RMDN2: variants seen among roughly 807,000 people sequenced by gnomAD.
The protein encoded by RMDN2 is regulator of microtubule dynamics protein 2.
In RMDN2, 61 loss-of-function variants were observed where a neutral mutation model predicts 52.8. The ratio of observed to expected loss-of-function variants is 1.16; its 90% CI spans 0.94 to 1.43. The LOEUF (loss-of-function observed/expected upper bound fraction) is 1.43, where lower values mean the gene tolerates loss of function less well. Ranked by LOEUF, RMDN2 falls within the 40% of genes most tolerant of loss-of-function variation. The pLI is 0.00. For synonymous variants in RMDN2, 180 were observed against 153.1 expected (o/e 1.18, Z -1.30); for missense variants, 592 against 475.3 (o/e 1.25, Z -2.28).
intron 5 of RMDN2, among the ~76,000 whole-genome samples, chr2:37,985,565 T>A (rs1256722149): frequency 6.6e-6 from 1 of 152,080 alleles, no homozygotes; most frequent in Non-Finnish European, 1.5e-5. Context: ...ATGCAACAGA[T>A]CACTGTCAAT....
At chr2:37,983,044 C>G (rs1399562850) in intron 5 of RMDN2, among the ~76,000 whole-genome samples, 1 of 152,008 alleles carries the variant, frequency 6.6e-6, no homozygotes, top group Non-Finnish European at 1.5e-5. Context: ...CTCTTCCTGT[C>G]TCTTACCTCT....
intron 2 of RMDN2, among the ~76,000 whole-genome samples, chr2:37,960,799 T>G (rs1327351422): frequency 1.3e-5 from 2 of 152,178 alleles, no homozygotes; most frequent in Non-Finnish European, 2.9e-5. Flanking sequence ...GGTCTGTGTA[T>G]TTTGGTATGT....
chr2:38,039,980 A>G (rs913858372), intron 10 of RMDN2, among the ~76,000 whole-genome samples: 6 of 151,672 alleles, frequency 4.0e-5, no homozygotes, highest in Non-Finnish European at 5.9e-5. Flanking sequence ...TTTGAATTTT[A>G]CATTTAGGTC....
intron 10 of RMDN2, among the ~76,000 whole-genome samples, chr2:38,016,382 T>C (rs1042548020): frequency 6.6e-6 from 1 of 152,184 alleles, no homozygotes; most frequent in Non-Finnish European, 1.5e-5. Flanking sequence ...ATAAATGTAA[T>C]GAATGTAGGA....
At chr2:38,003,252 T>C (rs1348335533) in intron 8 of RMDN2, among the ~76,000 whole-genome samples, 2 of 152,156 alleles carry the variant, frequency 1.3e-5, no homozygotes, top group Non-Finnish European at 2.9e-5. Flanking sequence ...TCTACTCTTA[T>C]TTTCTAAATA....
chr2:38,034,180 G>C (rs1680416932), intron 10 of RMDN2, among the ~76,000 whole-genome samples: 1 of 152,194 alleles, frequency 6.6e-6, no homozygotes, highest in African/African-American at 2.4e-5. Flanking sequence ...CCCTTTGACT[G>C]CTCTGCCTGT....
intron 10 of RMDN2, among the ~76,000 whole-genome samples, chr2:38,042,278 G>A (rs145135273): frequency 2.0e-5 from 3 of 151,950 alleles, no homozygotes; most frequent in East Asian, 1.9e-4. Flanking sequence ...AATGCCTTGC[G>A]ATCAGTACTG....
chr2:37,950,179 G>A (rs1445435118), intron 2 of RMDN2: 1 of 323,934 alleles, frequency 3.1e-6, no homozygotes, highest in Non-Finnish European at 6.0e-6. Context: ...GTAGTACAGG[G>A]GTGTGGAAGG....
At chr2:38,030,660 G>C (rs974483529) in intron 10 of RMDN2, 4 of 152,194 alleles carry the variant, frequency 2.6e-5, no homozygotes, top group Admixed American at 2.0e-4. Flanking sequence ...ACCACATCCA[G>C]TATTTCAGTG....
chr2:38,039,626 CAGA>C (rs1300964301), intron 10 of RMDN2, among the ~76,000 whole-genome samples: 29 of 152,182 alleles, frequency 1.9e-4, no homozygotes, highest in Admixed American at 1.9e-3. Flanking sequence ...AGGTTTGAAA[CAGA>C]AGAAGGAAGT....
chr2:37,927,853 C>T (rs1666412451), intron 1 of RMDN2, among the ~76,000 whole-genome samples: 1 of 152,164 alleles, frequency 6.6e-6, no homozygotes, highest in Non-Finnish European at 1.5e-5. Context: ...TAATTAGCTA[C>T]AATTTCAGCT....
chr2:37,946,909 C>T (rs1054697209), intron 2 of RMDN2, among the ~76,000 whole-genome samples: 16 of 152,082 alleles, frequency 1.1e-4, no homozygotes, highest in African/African-American at 3.6e-4. Context: ...AGAATATATA[C>T]TTATAGTTTT....
intron 10 of RMDN2, among the ~76,000 whole-genome samples, chr2:38,048,604 T>G (rs1248502109): frequency 1.3e-5 from 2 of 152,176 alleles, no homozygotes; most frequent in African/African-American, 2.4e-5. Context: ...ACTACCTCTG[T>G]AAACAGAAAC....
chr2:38,005,091 T>A (rs1471554625), intron 10 of RMDN2, among the ~76,000 whole-genome samples: 1 of 152,200 alleles, frequency 6.6e-6, no homozygotes, highest in African/African-American at 2.4e-5. Flanking sequence ...CTTAATCCAG[T>A]CTATCATTGT....
chr2:37,990,291 G>A (rs1189682982), intron 6 of RMDN2, among the ~76,000 whole-genome samples: 1 of 151,796 alleles, frequency 6.6e-6, no homozygotes, highest in Non-Finnish European at 1.5e-5. Flanking sequence ...GGCTGAAGCG[G>A]GCAGATTGCT....
intron 3 of RMDN2, 181 bp from the exon 4 acceptor site, chr2:37,975,031 T>G (rs1672281860): frequency 5.1e-6 from 3 of 591,354 alleles, no homozygotes; most frequent in Non-Finnish European, 9.0e-6. Flanking sequence ...TAGGTCATAT[T>G]TCTTAGCCAT....
At chr2:37,963,336 AATTG>A (rs374552287) in intron 2 of RMDN2, 150 of 26,120 alleles carry the variant, frequency 5.7e-3, no homozygotes, top group African/African-American at 9.5e-3. Context: ...TTTTTTTTTT[AATTG>A]ATCATTCTTG....
intron 10 of RMDN2, among the ~76,000 whole-genome samples, chr2:38,066,633 C>A (rs1682293532): frequency 1.3e-5 from 2 of 152,148 alleles, no homozygotes; most frequent in South Asian, 2.1e-4. Flanking sequence ...AACAACCACG[C>A]CTGTCTTACT....
At position 37,951,796 on chromosome 2, in the gene RMDN2, C is replaced by G. The variant is rs540325773; in HGVS notation, c.452+22067C>G. Reference sequence around the variant, plus strand: ...AATTTTAAGAATTTTGAAACAAACACTACTTCTCCAGCCTTTGGGAACACT... The same window carrying G: ...AATTTTAAGAATTTTGAAACAAACAGTACTTCTCCAGCCTTTGGGAACACT... On this transcript the variant is annotated intron_variant, in intron 2 of 10. Transcript: ENST00000354545. 9 of 1,613,534 alleles carry G rather than the reference C, an allele frequency of 5.6e-6. No homozygotes were observed. In the South Asian group the frequency reaches 8.8e-5, roughly 16 times the overall value.
Sources: gnomAD v4.1 joint callset for allele counts (sites outside exome capture counted in the v4.1 genomes callset) on GRCh38, gnomAD v4.1.1 for gene constraint, MANE v1.5 for transcripts, NCBI Gene and HGNC (gene_info 2026-07-23, HGNC 2026-07-21) for gene names.